UBE2E2: variants seen among roughly 807,000 people sequenced by gnomAD.
The protein encoded by UBE2E2 is ubiquitin-conjugating enzyme E2 E2.
A neutral mutation model predicts 24.7 loss-of-function variants in UBE2E2; 6 were observed. The observed-to-expected ratio is 0.24, with a 90% CI of 0.13 to 0.48. The LOEUF (loss-of-function observed/expected upper bound fraction) is 0.48. Among genes scored for constraint, UBE2E2 ranks in the 20% least tolerant of loss-of-function variants. The probability of loss-of-function intolerance (pLI) is 0.99; values close to 1 mark genes in which losing one functional copy is unlikely to be tolerated. For synonymous variants in UBE2E2, 104 were observed against 83.6 expected, an observed-to-expected ratio of 1.24 and a Z score of -1.33; for missense variants, 169 against 245.0, an observed-to-expected ratio of 0.69 and a Z score of 2.07.
At chr3:23,237,845 A>T (rs980477162) in intron 3 of UBE2E2, among the ~76,000 whole-genome samples, 1 of 152,144 alleles carries the variant, frequency 6.6e-6, no homozygotes, top group Non-Finnish European at 1.5e-5. Context: ...TTACAATGCA[A>T]TTTCTAACAG....
At chr3:23,528,672 G>C (rs1035792932) in intron 4 of UBE2E2, among the ~76,000 whole-genome samples, 2 of 152,170 alleles carry the variant, frequency 1.3e-5, no homozygotes, top group Admixed American at 6.5e-5. Flanking sequence ...GACACAAATT[G>C]CTTCTGCGTA....
chr3:23,452,028 AG>A (rs1314681019), intron 3 of UBE2E2, among the ~76,000 whole-genome samples: 1 of 152,176 alleles, frequency 6.6e-6, no homozygotes, highest in Non-Finnish European at 1.5e-5. Flanking sequence ...AATATGGAAA[AG>A]GTTGGTGGTG....
chr3:23,468,368 A>T (rs747713359), intron 3 of UBE2E2, among the ~76,000 whole-genome samples: 9 of 152,240 alleles, frequency 5.9e-5, no homozygotes, highest in Non-Finnish European at 1.2e-4. Flanking sequence ...GACTGTACCT[A>T]TACTTTTCCC....
chr3:23,461,467 A>G (rs912138537), intron 3 of UBE2E2, among the ~76,000 whole-genome samples: 1 of 152,094 alleles, frequency 6.6e-6, no homozygotes, highest in African/African-American at 2.4e-5. Flanking sequence ...ACATATTTGA[A>G]AAAAAAATAA....
chr3:23,426,277 A>G (rs1348054223), intron 3 of UBE2E2, among the ~76,000 whole-genome samples: 1 of 152,176 alleles, frequency 6.6e-6, no homozygotes, highest in Non-Finnish European at 1.5e-5. Flanking sequence ...TATCATATGC[A>G]TGATGAGAAT....
intron 3 of UBE2E2, among the ~76,000 whole-genome samples, chr3:23,403,347 A>G (rs1479740818): frequency 6.6e-6 from 1 of 152,236 alleles, no homozygotes; most frequent in Admixed American, 6.5e-5. Flanking sequence ...TTTTAAAATC[A>G]AACCTTGTGT....
chr3:23,328,283 ATACAGTTGG>A (rs1694960130), intron 3 of UBE2E2, among the ~76,000 whole-genome samples: 2 of 152,354 alleles, frequency 1.3e-5, no homozygotes, highest in Admixed American at 1.3e-4. Flanking sequence ...AATCTATAAA[ATACAGTTGG>A]TCCCTGACTT....
chr3:23,316,189 A>G (rs914297426), intron 3 of UBE2E2, among the ~76,000 whole-genome samples: 4 of 152,158 alleles, frequency 2.6e-5, no homozygotes, highest in East Asian at 1.9e-4. Flanking sequence ...AAAACCAACC[A>G]GGCTTCAGGG....
Position 23,407,523 on chromosome 3 carries a change from CT to C in UBE2E2, c.228-92082del, listed in dbSNP as rs764899529. Reference sequence around the variant, plus strand: ...CCCTGCTCCCGTACTCATCCCTCTTCTTTCACTACCGTCAACATTTGCTACA... The same window carrying C: ...CCCTGCTCCCGTACTCATCCCTCTTCTTCACTACCGTCAACATTTGCTACA... On this transcript the variant is annotated intron_variant, in intron 3 of 5. Transcript: ENST00000396703. This position sits in a 1 kb window ranked among gnomAD's most constrained non-coding sequence, Gnocchi z 4.0. Among the ~76,000 whole-genome samples the C allele has an allele frequency of 1.3e-5, 2 of 152,140 alleles. No homozygotes were observed. The highest frequency in any genetic ancestry group is 4.8e-5 in the African/African-American group (2 of 41,440).
intron 4 of UBE2E2, among the ~76,000 whole-genome samples, chr3:23,513,384 A>G (rs1694651618): frequency 1.3e-5 from 2 of 152,142 alleles, no homozygotes; most frequent in South Asian, 2.1e-4. Context: ...AGATTATCCC[A>G]TATTTGTATG....
intron 3 of UBE2E2, among the ~76,000 whole-genome samples, chr3:23,394,909 C>T (rs1453655742): frequency 1.3e-5 from 2 of 152,166 alleles, no homozygotes; most frequent in Admixed American, 1.3e-4. Context: ...GTTACACCAG[C>T]CTCTAAATCA....
intron 5 of UBE2E2, among the ~76,000 whole-genome samples, chr3:23,584,719 G>T (rs4999998): frequency 8.2e-5 from 8 of 97,624 alleles, no homozygotes; most frequent in African/African-American, 1.8e-4. Flanking sequence ...ACACCCAGCT[G>T]TTTTTTGTTT....
At chr3:23,422,102 AT>A (rs1288971697) in intron 3 of UBE2E2, among the ~76,000 whole-genome samples, 7 of 152,252 alleles carry the variant, frequency 4.6e-5, no homozygotes, top group African/African-American at 1.7e-4. Context: ...GTAATTAATA[AT>A]TTTTTTAATT....
intron 4 of UBE2E2, among the ~76,000 whole-genome samples, chr3:23,514,163 G>T (rs992619645): frequency 6.6e-6 from 1 of 152,202 alleles, no homozygotes; most frequent in Non-Finnish European, 1.5e-5. Flanking sequence ...GTTTGATCCA[G>T]TTCTTCATGT....
rs927498671 is a variant in UBE2E2 at position 23,407,538 on chromosome 3, A to G, written c.228-92070A>G. ...CATCCCTCTTCTTTCACTACCGTCA[A>G]CATTTGCTACATCCTTTATCTCCTC... On this transcript the variant is annotated intron_variant, in intron 3 of 5. Transcript: ENST00000396703. The surrounding 1 kb of genome is among the most constrained non-coding windows in gnomAD (Gnocchi z 4.0). Among the ~76,000 whole-genome samples, 2 of 151,962 alleles carry G rather than the reference A, an allele frequency of 1.3e-5. No individual in the cohort carries two copies. The highest frequency in any genetic ancestry group is 3.9e-4 in the East Asian group (2 of 5,192).
intron 3 of UBE2E2, among the ~76,000 whole-genome samples, chr3:23,416,880 G>A (rs1194660023): frequency 3.3e-5 from 5 of 152,096 alleles, no homozygotes; most frequent in African/African-American, 1.2e-4. Context: ...AAGTTCTTGT[G>A]CTGTGTTTTT....
intron 3 of UBE2E2, among the ~76,000 whole-genome samples, chr3:23,309,508 C>G (rs1699319698): frequency 6.6e-6 from 1 of 152,066 alleles, no homozygotes; most frequent in Non-Finnish European, 1.5e-5. Context: ...AGTATATTGA[C>G]CTAAACCTTT....
intron 3 of UBE2E2, among the ~76,000 whole-genome samples, chr3:23,229,608 TA>T (rs951426718): frequency 1.7e-4 from 26 of 152,220 alleles, no homozygotes; most frequent in African/African-American, 5.5e-4. Flanking sequence ...ATGGCAGAAC[TA>T]GGATTTCAAC....
chr3:23,222,451 G>A (rs1415483519), intron 3 of UBE2E2, among the ~76,000 whole-genome samples: 1 of 152,178 alleles, frequency 6.6e-6, no homozygotes, highest in East Asian at 1.9e-4. Flanking sequence ...ACTGGCGGGA[G>A]ATAATTGAAT....
Sources: allele counts gnomAD v4.1 joint callset (sites outside exome capture counted in the v4.1 genomes callset), GRCh38; gene constraint gnomAD v4.1.1; non-coding constraint Gnocchi (gnomAD v3.1); transcripts MANE v1.5; gene names NCBI Gene and HGNC (gene_info 2026-07-23, HGNC 2026-07-21).